IL17RA: variants seen among roughly 807,000 people sequenced by gnomAD.
IL17RA encodes the protein interleukin 17 receptor A, also known as interleukin-17 receptor A.
Under a neutral mutation model 50.4 loss-of-function variants are expected in IL17RA, and 34 were observed. The observed-to-expected ratio is 0.67, with a 90% CI of 0.51 to 0.90. IL17RA has a LOEUF of 0.90. Ranked by LOEUF, IL17RA falls within the 40% of genes least tolerant of loss-of-function variation. The pLI is 0.00. For missense variants in IL17RA, 1,276 were observed against 1,169.8 expected (o/e 1.09, Z -1.32); for synonymous variants, 585 against 510.4 (o/e 1.15, Z -1.97).
chr22:17,093,142 T>C (rs577919261), intron 1 of IL17RA, among the ~76,000 whole-genome samples: 1 of 152,294 alleles, frequency 6.6e-6, no homozygotes, highest in East Asian at 1.9e-4. Flanking sequence ...CTATCTCAAA[T>C]ATCTGGTACT....
chr22:17,109,295 C>T lies in IL17RA; in HGVS notation c.2076C>T (p.Val692=), dbSNP rs529543548. The change falls in exon 13 of 13, where the codon GTC becomes GTT. Residue 692 remains valine (V), a synonymous_variant. Transcript: ENST00000319363. ...GGCCCCTGGCTGACGGTGCCGCAGT[C>T]CGGCTGGCACTGGCGGGGGAGGGCG... The part of the protein sequence containing the change: ...EPGPLADGAA[V]RLALAGEGEA... The T allele has an allele frequency of 1.8e-5, 28 of 1,533,768 alleles. No homozygotes were observed. In the African/African-American group the frequency reaches 2.7e-4, roughly 15 times the overall value.
At position 17,110,491 on chromosome 22, in the gene IL17RA, C is replaced by CT. The variant is rs1491028887; in HGVS notation, c.*672dup. The CT allele has an allele frequency of 1.9e-5, 2 of 106,788 alleles. No homozygotes were observed. Among genetic ancestry groups the CT allele is most frequent in the African/African-American group, 8.4e-5 (2 of 23,874 alleles). The allele number at this position is 106,788 out of a possible 1,614,324, so 6.6% of individuals were successfully genotyped here. A position where few individuals can be genotyped will look rare whatever the true frequency, so the allele number is the denominator to read the frequency against. On this transcript the variant is annotated 3_prime_UTR_variant, in exon 13 of 13. Coordinates refer to ENST00000319363, the MANE Select transcript of IL17RA (RefSeq NM_014339.7). The stretch of plus-strand genomic sequence containing the variant: ...GCAGCCTGGATGACAGAGCGAGACT[C>CT]TATCTCAAAAAAAAAAAAAAAAAAA...
chr22:17,107,265 A>G (rs2061418271), intron 11 of IL17RA, among the ~76,000 whole-genome samples: 1 of 152,170 alleles, frequency 6.6e-6, no homozygotes, highest in East Asian at 1.9e-4. Flanking sequence ...GCTTTTCCTC[A>G]TGTGGAGTCA....
intron 1 of IL17RA, among the ~76,000 whole-genome samples, chr22:17,090,212 G>A (rs1435054127): frequency 5.3e-5 from 8 of 152,062 alleles, no homozygotes; most frequent in Admixed American, 5.2e-4. Flanking sequence ...TAGTAGAGAT[G>A]GGGTTTCACC....
Position 17,110,137 on chromosome 22 carries a change from G to T in IL17RA, c.*317G>T, listed in dbSNP as rs927639023. The stretch of plus-strand genomic sequence containing the variant: ...ATGTGGCGGGCATTTGGGATACCAA[G>T]ATAAATTGCATGCGGCATGGCCCCA... On this transcript the variant is annotated 3_prime_UTR_variant, in exon 13 of 13. Coordinates refer to ENST00000319363, the MANE Select transcript of IL17RA (RefSeq NM_014339.7). The T allele has an allele frequency of 1.0e-4, 41 of 405,340 alleles. No individual in the cohort carries two copies. The highest frequency in any genetic ancestry group is 1.4e-4 in the Non-Finnish European group (31 of 218,032). 25.1% of individuals were successfully genotyped at this position (405,340 alleles called of 1,614,324 possible).
In IL17RA at chr22:17,108,606, G is replaced by T. The variant is rs757649231; in HGVS notation, c.1387G>T (p.Ala463Ser). 2.5e-6 allele frequency: 4 copies of T among 1,604,476 alleles called. No individual in the cohort carries two copies. In the South Asian group the frequency reaches 4.4e-5, roughly 18 times the overall value. ...AKWQALLGRG[A>S]PVRLRCDHGK... ...GTGGCAGGCGCTCCTGGGCCGGGGG[G>T]CGCCTGTGCGGCTGCGCTGCGACCA... The change falls in exon 13 of 13, where the codon GCG (alanine) becomes TCG (serine). Residue 463 changes from alanine (A) to serine (S), a missense_variant. Transcript: ENST00000319363.
chr22:17,085,288 G>A, intron 1 of IL17RA, 59 bp downstream of exon 1: 1 of 1,529,040 alleles, frequency 6.5e-7, no homozygotes, highest in Non-Finnish European at 8.7e-7. Context: ...GGGCAAGGTC[G>A]CGGAGGGCCG....
chr22:17,098,679 AG>A, intron 3 of IL17RA, 95 bp from the exon 4 acceptor site: 1 of 915,626 alleles, frequency 1.1e-6, no homozygotes, highest in Non-Finnish European at 1.8e-6. Context: ...ATTTTCTTTT[AG>A]GAGTGAACAA....
intron 10 of IL17RA, 123 bp downstream of exon 10, chr22:17,105,725 G>GCT (rs2061411883): frequency 7.4e-7 from 1 of 1,343,630 alleles, no homozygotes; most frequent in Non-Finnish European, 1.0e-6. Flanking sequence ...CGGGGTGGGG[G>GCT]GTGAGACCAT....
In IL17RA at chr22:17,108,666, A is replaced by G. The variant is rs756651011; in HGVS notation, c.1447A>G (p.Met483Val). Reference sequence around the variant, plus strand: ...CGTGGGGGACCTGTTCACTGCAGCCATGAACATGATCCTCCCGGACTTCAA... The same window carrying G: ...CGTGGGGGACCTGTTCACTGCAGCCGTGAACATGATCCTCCCGGACTTCAA... The part of the protein sequence containing the change: ...KPVGDLFTAA[M>V]NMILPDFKRP... Residue 483 changes from methionine (M) to valine (V), a missense_variant, in exon 13 of 13, where the codon ATG (methionine) becomes GTG (valine). Transcript: ENST00000319363. 6 of 1,607,832 alleles carry G rather than the reference A, an allele frequency of 3.7e-6. No individual in the cohort carries two copies. Among genetic ancestry groups the G allele is most frequent in the Non-Finnish European group, 5.1e-6 (6 of 1,179,800 alleles).
intron 1 of IL17RA, among the ~76,000 whole-genome samples, chr22:17,090,703 G>GT (rs1276644761): frequency 5.3e-5 from 8 of 152,024 alleles, no homozygotes; most frequent in African/African-American, 1.7e-4. Flanking sequence ...ACTTCTCCCT[G>GT]TTTTTTATTA....
In IL17RA at chr22:17,109,705, C is replaced by T. The variant is rs2061432498; in HGVS notation, c.2486C>T (p.Ser829Phe). The change falls in exon 13 of 13, where the codon TCT (serine) becomes TTT (phenylalanine). Residue 829 changes from serine to phenylalanine, a missense_variant. Ser to Phe is a radical substitution (Grantham distance 155). Coordinates refer to ENST00000319363, the MANE Select transcript of IL17RA (RefSeq NM_014339.7). ...QDPGKPALPL[S>F]PEDLESLRSL... ...CCAGGGAAGCCGGCCCTGCCACTCT[C>T]TCCCGAGGACCTGGAGAGCCTGAGG... 2.5e-6 allele frequency: 4 copies of T among 1,591,050 alleles called. No homozygotes were observed. Among genetic ancestry groups the T allele is most frequent in the African/African-American group, 1.3e-5 (1 of 74,666 alleles).
At position 17,112,698 on chromosome 22, in the gene IL17RA, C is replaced by T. The variant is rs2061448486; in HGVS notation, c.*2878C>T. On this transcript the variant is annotated 3_prime_UTR_variant, in exon 13 of 13. Transcript: ENST00000319363. ...GCTGTCCGCTGAATGCCAAGAGCTT[C>T]AAGAGTGTGTGTAAATAAAGCCACA... 1 of 152,198 alleles carries T rather than the reference C, an allele frequency of 6.6e-6. No individual in the cohort carries two copies. The highest frequency in any genetic ancestry group is 6.5e-5 in the Admixed American group (1 of 15,274). 9.4% of individuals were successfully genotyped at this position (152,198 alleles called of 1,614,324 possible).
chr22:17,108,159 G>A, intron 12 of IL17RA, 148 bp from the exon 13 acceptor site: 1 of 757,238 alleles, frequency 1.3e-6, no homozygotes, highest in Non-Finnish European at 2.2e-6. Flanking sequence ...GTAACATCTG[G>A]GTTTTTCCAA....
rs1366226497 is a variant in IL17RA at position 17,105,576 on chromosome 22, C to G, written c.932-15C>G. 1 of 1,612,004 alleles carries G rather than the reference C, an allele frequency of 6.2e-7. No individual in the cohort carries two copies. The highest frequency in any genetic ancestry group is 1.1e-5 in the South Asian group (1 of 91,038). Reference sequence around the variant, plus strand: ...AAGAATGCTATTTTCCCTTTTTCCTCTGTTCTCATTGCAGAACCAATTCCG... The same window carrying G: ...AAGAATGCTATTTTCCCTTTTTCCTGTGTTCTCATTGCAGAACCAATTCCG... On this transcript the variant is annotated splice_polypyrimidine_tract_variant and intron_variant, in intron 9 of 12. Coordinates refer to ENST00000319363, the MANE Select transcript of IL17RA (RefSeq NM_014339.7).
chr22:17,107,644 C>A, intron 11 of IL17RA, 83 bp from the exon 12 acceptor site: 1 of 1,223,162 alleles, frequency 8.2e-7, no homozygotes, highest in Non-Finnish European at 1.2e-6. Context: ...CACCCTTTGT[C>A]AGGGATGGGG....
chr22:17,100,586 C>T, intron 5 of IL17RA, 105 bp downstream of exon 5: 1 of 1,432,256 alleles, frequency 7.0e-7, no homozygotes, highest in Non-Finnish European at 9.7e-7. Context: ...CATTGGCTGG[C>T]ATTGCCAGCA....
rs2123811798 is a variant in IL17RA at position 17,108,848 on chromosome 22, G to T, written c.1629G>T (p.Gln543His). 7 of 1,608,216 alleles carry T rather than the reference G, an allele frequency of 4.4e-6. No individual in the cohort carries two copies. The highest frequency in any genetic ancestry group is 5.9e-6 in the Non-Finnish European group (7 of 1,177,566). Residue 543 changes from glutamine (Q) to histidine (H), a missense_variant, in exon 13 of 13, where the codon CAG (glutamine) becomes CAT (histidine). Coordinates refer to ENST00000319363, the MANE Select transcript of IL17RA (RefSeq NM_014339.7). The stretch of plus-strand genomic sequence containing the variant: ...GCATCCAGGACCTGGAGATGTTCCA[G>T]CCGGGCCGCATGCACCGCGTAGGGG... ...YFRIQDLEMF[Q>H]PGRMHRVGEL...
chr22:17,091,135 C>G (rs1266731420), intron 1 of IL17RA, among the ~76,000 whole-genome samples: 1 of 152,186 alleles, frequency 6.6e-6, no homozygotes, highest in Non-Finnish European at 1.5e-5. Flanking sequence ...TCAGGGGTTA[C>G]TCCCTCATTT....
Sources: gnomAD v4.1 joint callset for allele counts (sites outside exome capture counted in the v4.1 genomes callset) on GRCh38, gnomAD v4.1.1 for gene constraint, MANE v1.5 for transcripts, NCBI Gene and HGNC (gene_info 2026-07-23, HGNC 2026-07-21) for gene names.